NTN1: variants seen among roughly 807,000 people sequenced by gnomAD.
NTN1 encodes netrin 1, also known as netrin-1.
NTN1 carries 11 observed loss-of-function variants against 54.2 expected under a neutral mutation model. The ratio of observed to expected loss-of-function variants is 0.20; its 90% confidence interval spans 0.13 to 0.34. The LOEUF (loss-of-function observed/expected upper bound fraction) is 0.34. Among genes scored for constraint, NTN1 ranks in the 10% least tolerant of loss-of-function variants. The probability of loss-of-function intolerance (pLI) is 1.00; values close to 1 mark genes in which losing one functional copy is unlikely to be tolerated. For synonymous variants in NTN1, 371 were observed against 382.0 expected (o/e 0.97, Z 0.33); for missense variants, 740 against 893.1 (o/e 0.83, Z 2.18).
intron 2 of NTN1, among the ~76,000 whole-genome samples, chr17:9,030,165 C>T (rs1199445595): frequency 6.6e-6 from 1 of 152,108 alleles, no homozygotes; most frequent in Non-Finnish European, 1.5e-5. Flanking sequence ...CCATCAGACC[C>T]TTTTCTTTTT....
chr17:9,197,873 A>G (rs879480238), intron 5 of NTN1, among the ~76,000 whole-genome samples: 27 of 152,230 alleles, frequency 1.8e-4, no homozygotes, highest in Admixed American at 6.5e-4. Flanking sequence ...GCACTTCAGC[A>G]TCTAAAAATC....
chr17:9,009,035 C>T, the NTN1 span, among the ~76,000 whole-genome samples: 3 of 152,206 alleles, frequency 2.0e-5, no homozygotes, highest in South Asian at 2.1e-4. Flanking sequence ...AGTAAGACTC[C>T]ATCTCAAAAC....
At chr17:9,140,528 TG>T (rs2092294794) in intron 2 of NTN1, among the ~76,000 whole-genome samples, 2 of 152,332 alleles carry the variant, frequency 1.3e-5, no homozygotes, top group South Asian at 4.1e-4. Context: ...TGTGCAGGTG[TG>T]GGTCAGACCC....
intron 6 of NTN1, among the ~76,000 whole-genome samples, chr17:9,222,369 A>C (rs1458231244): frequency 6.6e-6 from 1 of 152,250 alleles, no homozygotes; most frequent in South Asian, 2.1e-4. Context: ...GGAAGGCAGA[A>C]CGACCTCTCT....
intron 2 of NTN1, among the ~76,000 whole-genome samples, chr17:9,038,265 C>CACACACACACACACACACACATACACA (rs55982115): frequency 6.9e-6 from 1 of 144,076 alleles, no homozygotes; most frequent in African/African-American, 2.7e-5. Flanking sequence ...TTCTCTCTCT[C>CACACACACACACACACACACATACACA]CACACACACA....
chr17:9,103,809 G>A (rs1417971163), intron 2 of NTN1, among the ~76,000 whole-genome samples: 6 of 151,924 alleles, frequency 3.9e-5, no homozygotes, highest in Admixed American at 3.9e-4. Context: ...TACTAGGCTG[G>A]GTGCTGTGGC....
chr17:9,099,919 CTGAG>C (rs1227488495), intron 2 of NTN1, among the ~76,000 whole-genome samples: 3 of 152,056 alleles, frequency 2.0e-5, no homozygotes, highest in Non-Finnish European at 2.9e-5. Flanking sequence ...GAAAAATGTA[CTGAG>C]TAATCCTTTC....
At chr17:9,052,092 A>T (rs149093055) in intron 2 of NTN1, among the ~76,000 whole-genome samples, 1,529 of 151,418 alleles carry the variant, frequency 0.01, 27 homozygotes, top group African/African-American at 0.033. Flanking sequence ...CCTGCCTCAG[A>T]CTCTCAAGTT....
intron 6 of NTN1, among the ~76,000 whole-genome samples, chr17:9,225,463 G>A (rs1019896351): frequency 3.3e-5 from 5 of 152,062 alleles, no homozygotes; most frequent in African/African-American, 9.7e-5. Context: ...AGGGGCTGGC[G>A]GGGGGCCCTG....
At chr17:9,208,029 C>T (rs773305766) in intron 5 of NTN1, among the ~76,000 whole-genome samples, 3 of 152,196 alleles carry the variant, frequency 2.0e-5, no homozygotes, top group South Asian at 2.1e-4. Flanking sequence ...GTCAGGAGTT[C>T]GAGACCAGCC....
rs1348375207 is a variant in NTN1 at position 9,221,090 on chromosome 17, C to T, written c.1412-78C>T. ...GGCCTCTGGCTATTTAGGGAGGCGG[C>T]CTCCTACTCTGCCCGCCAGCCTATT... On this transcript the variant is annotated intron_variant, in intron 5 of 6. Transcript: ENST00000173229. The surrounding 1 kb of genome is among the most constrained non-coding windows in gnomAD (Gnocchi z 4.5). 2 of 1,045,020 alleles carry T rather than the reference C, an allele frequency of 1.9e-6. No homozygotes were observed. Among genetic ancestry groups the T allele is most frequent in the Non-Finnish European group, 3.0e-6 (2 of 662,900 alleles). The allele number at this position is 1,045,020 out of a possible 1,614,324, so 64.7% of individuals were successfully genotyped here. A position where few individuals can be genotyped will look rare whatever the true frequency, so the allele number is the denominator to read the frequency against.
intron 3 of NTN1, among the ~76,000 whole-genome samples, chr17:9,170,221 T>C (rs769485136): frequency 3.9e-5 from 6 of 152,156 alleles, no homozygotes; most frequent in African/African-American, 1.4e-4. Flanking sequence ...GAATAGTCCC[T>C]CCTCCCTCCT....
intron 2 of NTN1, among the ~76,000 whole-genome samples, chr17:9,036,412 T>G (rs938037757): frequency 3.9e-5 from 2 of 51,102 alleles, no homozygotes; most frequent in African/African-American, 7.8e-5. Flanking sequence ...TTTTTTTTTG[T>G]AGAGACAGGG....
Position 9,055,099 on chromosome 17 carries a change from G to A in NTN1, c.1018+31708G>A, listed in dbSNP as rs17808915. 8.8e-3 allele frequency among the ~76,000 whole-genome samples: 1,334 copies of A among 152,284 alleles called. 55 individuals carry two copies. The highest frequency in any genetic ancestry group is 0.065 in the Admixed American group (991 of 15,298). On this transcript the variant is annotated intron_variant, in intron 2 of 6. Transcript: ENST00000173229. ...TTGCTGGGTTTCAGCCTCTCTGAGC[G>A]AAGGGCAACAATGTTGATCTGAGGA...
intron 3 of NTN1, among the ~76,000 whole-genome samples, chr17:9,167,200 C>T (rs1446696045): frequency 6.6e-6 from 1 of 152,128 alleles, no homozygotes; most frequent in African/African-American, 2.4e-5. Flanking sequence ...ATAAATTTCT[C>T]CCTTTTCTCC....
intron 2 of NTN1, among the ~76,000 whole-genome samples, chr17:9,096,472 G>A (rs901852277): frequency 2.7e-5 from 4 of 148,608 alleles, no homozygotes; most frequent in Non-Finnish European, 4.5e-5. Context: ...CCGGGTTCAC[G>A]CCATTCTCCT....
chr17:9,058,637 C>CAAAAAAAAAAA (rs3053457), intron 2 of NTN1, among the ~76,000 whole-genome samples: 811 of 58,906 alleles, frequency 0.014, no homozygotes, highest in Middle Eastern at 0.065. Flanking sequence ...GGTAGGCACT[C>CAAAAAAAAAAA]AAAAAAAAAA....
rs369174841 is a variant in NTN1, at chr17:9,242,137, G to C, written c.*2169G>C. The C allele has an allele frequency of 2.7e-4, 41 of 152,866 alleles. No individual in the cohort carries two copies. Among genetic ancestry groups the C allele is most frequent in the African/African-American group, 9.6e-4 (40 of 41,606 alleles). The allele number at this position is 152,866 out of a possible 1,614,324, so 9.5% of individuals were successfully genotyped here. A position where few individuals can be genotyped will look rare whatever the true frequency, so the allele number is the denominator to read the frequency against. On this transcript the variant is annotated 3_prime_UTR_variant, in exon 7 of 7. Coordinates refer to ENST00000173229, the MANE Select transcript of NTN1 (RefSeq NM_004822.3). ...GGTTCCAGGAAGGCAGGCCTTGGAT[G>C]CTCCGAAGAGGTGGTAGAAAGGTGT... is the stretch of plus-strand genomic sequence containing the variant.
intron 6 of NTN1, among the ~76,000 whole-genome samples, chr17:9,231,295 C>CGGA (rs1555579606): frequency 1.4e-5 from 2 of 145,410 alleles, no homozygotes; most frequent in Non-Finnish European, 3.1e-5. Context: ...ATGGGGTACC[C>CGGA]GGGGGGGGAC....
Sources: gnomAD v4.1 joint callset for allele counts (sites outside exome capture counted in the v4.1 genomes callset) on GRCh38, gnomAD v4.1.1 for gene constraint, Gnocchi (gnomAD v3.1) non-coding constraint, MANE v1.5 for transcripts, NCBI Gene and HGNC (gene_info 2026-07-23, HGNC 2026-07-21) for gene names.